ANKRD12: variants seen among roughly 807,000 people sequenced by gnomAD.
ANKRD12 encodes ankyrin repeat domain 12, also known as ankyrin repeat domain-containing protein 12.
Under a neutral mutation model 183.4 loss-of-function variants are expected in ANKRD12, and 85 were observed. The ratio of observed to expected loss-of-function variants is 0.46; its 90% CI spans 0.39 to 0.56. ANKRD12 has a LOEUF of 0.56. Among genes scored for constraint, ANKRD12 ranks in the 20% least tolerant of loss-of-function variants. ANKRD12 has a pLI of 0.00. For synonymous variants in ANKRD12, 914 were observed against 800.2 expected (o/e 1.14, Z -2.40); for missense variants, 2,405 against 2,357.1 (o/e 1.02, Z -0.42).
At chr18:9,154,116 T>G (rs1171210969) in intron 1 of ANKRD12, among the ~76,000 whole-genome samples, 2 of 152,142 alleles carry the variant, frequency 1.3e-5, no homozygotes, top group African/African-American at 4.8e-5. Context: ...ATTTGATTTT[T>G]AGTTTTAAAA....
chr18:9,270,311 C>T (rs534866367), intron 10 of ANKRD12, among the ~76,000 whole-genome samples: 6 of 152,292 alleles, frequency 3.9e-5, no homozygotes, highest in African/African-American at 1.4e-4. Flanking sequence ...GACACATGCA[C>T]ACGTATGTTT....
chr18:9,265,962 T>TA (rs1937621434), intron 10 of ANKRD12, among the ~76,000 whole-genome samples: 3 of 152,172 alleles, frequency 2.0e-5, no homozygotes, highest in African/African-American at 7.2e-5. Context: ...GCACGAGAAC[T>TA]ACATGACGAA....
intron 1 of ANKRD12, among the ~76,000 whole-genome samples, chr18:9,149,743 T>C (rs1261807935): frequency 2.0e-5 from 3 of 151,916 alleles, no homozygotes; most frequent in South Asian, 2.1e-4. Context: ...AATAGACATA[T>C]AGCTAAAGCA....
At chr18:9,267,198 A>G (rs2039342387) in intron 10 of ANKRD12, among the ~76,000 whole-genome samples, 1 of 152,202 alleles carries the variant, frequency 6.6e-6, no homozygotes. Flanking sequence ...CCCACTGTCA[A>G]CATTAGACAG....
rs570135427 is a variant in ANKRD12, at chr18:9,145,483, A to G, written c.-52+8518A>G. 7.2e-5 allele frequency among the ~76,000 whole-genome samples: 11 copies of G among 152,350 alleles called. No homozygotes were observed. In the East Asian group the frequency reaches 1.5e-3, roughly 21 times the overall value. On this transcript the variant is annotated intron_variant, in intron 1 of 12. Coordinates refer to ENST00000262126, the MANE Select transcript of ANKRD12 (RefSeq NM_015208.5). The stretch of plus-strand genomic sequence containing the variant: ...ACACATAATCACATAGGAGGATAGT[A>G]TTATTCCTTAATCATCCAAATTGCT...
intron 8 of ANKRD12, among the ~76,000 whole-genome samples, chr18:9,222,544 T>C (rs888505985): frequency 6.6e-6 from 1 of 152,088 alleles, no homozygotes. Context: ...AAGTCGTCTT[T>C]ATATAAAAGG....
intron 1 of ANKRD12, among the ~76,000 whole-genome samples, chr18:9,176,152 T>A (rs1435941690): frequency 6.6e-6 from 1 of 152,220 alleles, no homozygotes; most frequent in African/African-American, 2.4e-5. Flanking sequence ...ATAATGACAT[T>A]GATTATCTGT....
At chr18:9,161,820 CAT>C (rs1300225899) in intron 1 of ANKRD12, among the ~76,000 whole-genome samples, 6 of 151,592 alleles carry the variant, frequency 4.0e-5, no homozygotes, top group African/African-American at 1.5e-4. Context: ...CATTATCTCT[CAT>C]ATATTTTGTT....
intron 1 of ANKRD12, among the ~76,000 whole-genome samples, chr18:9,153,569 C>T (rs1233615662): frequency 1.3e-5 from 2 of 152,172 alleles, no homozygotes; most frequent in Non-Finnish European, 1.5e-5. Flanking sequence ...GTATTCCAGA[C>T]AATTTAATCT....
At chr18:9,137,425 T>TGCGAGTGTGAGTGTGCGC (rs2078148497) in intron 1 of ANKRD12, 1 of 145,630 alleles carries the variant, frequency 6.9e-6, no homozygotes, top group Non-Finnish European at 1.5e-5. Context: ...AGCGTGTGCG[T>TGCGAGTGTGAGTGTGCGC]GCGAGTGTGA....
chr18:9,259,917 T>G (rs893696181), intron 9 of ANKRD12: 2 of 152,142 alleles, frequency 1.3e-5, no homozygotes, highest in African/African-American at 2.4e-5. Flanking sequence ...CATTAAAACT[T>G]TAGAACACTA....
rs2040198392 is a variant in ANKRD12 at position 9,285,365 on chromosome 18, AG to A, written c.*4241del. ...AGAATCGCTTGAAGCCTGGAGGCGG[AG>A]GTTGCAGTGAGCTCACGCCACTGCA... is the stretch of plus-strand genomic sequence containing the variant. On this transcript the variant is annotated 3_prime_UTR_variant, in exon 13 of 13. Transcript: ENST00000262126. The A allele has an allele frequency of 1.5e-5, 2 of 136,104 alleles. 1 individual carries two copies. The allele number at this position is 136,104 out of a possible 1,614,324, so 8.4% of individuals were successfully genotyped here.
At chr18:9,147,090 C>T (rs1179942700) in intron 1 of ANKRD12, among the ~76,000 whole-genome samples, 2 of 152,164 alleles carry the variant, frequency 1.3e-5, no homozygotes, top group Admixed American at 6.5e-5. Context: ...TCCACAACTG[C>T]ATCAAGAATT....
At chr18:9,184,349 G>A (rs2033901101) in intron 2 of ANKRD12, among the ~76,000 whole-genome samples, 1 of 152,034 alleles carries the variant, frequency 6.6e-6, no homozygotes, top group African/African-American at 2.4e-5. Context: ...CATGGTTTCT[G>A]TCAGTCTTTT....
chr18:9,248,826 A>G (rs2038116370), intron 8 of ANKRD12, among the ~76,000 whole-genome samples: 1 of 152,244 alleles, frequency 6.6e-6, no homozygotes, highest in Non-Finnish European at 1.5e-5. Context: ...TCCGCATGGC[A>G]GTTAGTATGG....
rs1466028685 is a variant in ANKRD12 at position 9,285,103 on chromosome 18, G to A, written c.*3977G>A. 2.0e-5 allele frequency: 3 copies of A among 152,302 alleles called. No individual in the cohort carries two copies. The allele number at this position is 152,302 out of a possible 1,614,324, so 9.4% of individuals were successfully genotyped here. On this transcript the variant is annotated 3_prime_UTR_variant, in exon 13 of 13. Coordinates refer to ENST00000262126, the MANE Select transcript of ANKRD12 (RefSeq NM_015208.5). Reference sequence around the variant, plus strand: ...GGGCGCCTGTAGTTCCAGCTACTCGGGAGGCTGAGGCAGGAGAATGGCGTG... The same window carrying A: ...GGGCGCCTGTAGTTCCAGCTACTCGAGAGGCTGAGGCAGGAGAATGGCGTG...
intron 10 of ANKRD12, among the ~76,000 whole-genome samples, chr18:9,272,147 G>T (rs1307923978): frequency 6.6e-6 from 1 of 152,178 alleles, no homozygotes; most frequent in South Asian, 2.1e-4. Flanking sequence ...TGCTCTAGGG[G>T]TTTAAAAACA....
At chr18:9,268,928 A>G (rs1343022120) in intron 10 of ANKRD12, among the ~76,000 whole-genome samples, 2 of 152,264 alleles carry the variant, frequency 1.3e-5, no homozygotes, top group Non-Finnish European at 2.9e-5. Context: ...GCAAAGTCTC[A>G]GGATGCAAAA....
chr18:9,221,634 AAGG>A (rs2036425839), intron 7 of ANKRD12, among the ~76,000 whole-genome samples: 2 of 152,320 alleles, frequency 1.3e-5, no homozygotes, highest in South Asian at 4.1e-4. Flanking sequence ...TTTAAATTTT[AAGG>A]AGGAAATTTT....
Sources: gnomAD v4.1 joint callset for allele counts (sites outside exome capture counted in the v4.1 genomes callset) on GRCh38, gnomAD v4.1.1 for gene constraint, MANE v1.5 for transcripts, NCBI Gene and HGNC (gene_info 2026-07-23, HGNC 2026-07-21) for gene names.